Variants in MSRA observed in about 807,000 individuals in gnomAD.
MSRA encodes the protein methionine sulfoxide reductase A.
MSRA carries 54 observed loss-of-function variants against 31.3 expected under a neutral mutation model. The observed-to-expected ratio is 1.73, with a 90% CI of 1.39 to 2.17. MSRA has a LOEUF of 2.17. Ranked by LOEUF, MSRA falls within the 30% of genes most tolerant of loss-of-function variation. The pLI, the probability that MSRA is intolerant of heterozygous loss-of-function variation, is 0.00. For synonymous variants in MSRA, 169 were observed against 116.5 expected (o/e 1.45, Z -2.90); for missense variants, 507 against 300.9 (o/e 1.69, Z -5.07).
intron 1 of MSRA, among the ~76,000 whole-genome samples, chr8:10,185,298 A>C (rs867888603): frequency 8.5e-5 from 13 of 152,322 alleles, no homozygotes; most frequent in South Asian, 2.1e-4. Context: ...GAGTCCCAGG[A>C]ATCTCATTTA....
chr8:10,405,656 G>A (rs568658245), intron 5 of MSRA, among the ~76,000 whole-genome samples: 2 of 152,334 alleles, frequency 1.3e-5, no homozygotes, highest in South Asian at 4.1e-4. Context: ...GATGGGAGTG[G>A]GAGCAGAGAG....
intron 1 of MSRA, among the ~76,000 whole-genome samples, chr8:10,173,688 G>C (rs1210809867): frequency 2.0e-5 from 3 of 152,152 alleles, no homozygotes; most frequent in Non-Finnish European, 4.4e-5. Context: ...TCAAGATGTT[G>C]TCTTCCAAAT....
chr8:10,261,100 G>A (rs969939098), intron 3 of MSRA, among the ~76,000 whole-genome samples: 1 of 152,056 alleles, frequency 6.6e-6, no homozygotes, highest in Non-Finnish European at 1.5e-5. Context: ...ATTCTTGCTA[G>A]ATATATTTAG....
chr8:10,344,509 G>A (rs1485850129), intron 5 of MSRA, among the ~76,000 whole-genome samples: 1 of 135,274 alleles, frequency 7.4e-6, no homozygotes, highest in Non-Finnish European at 1.5e-5. Flanking sequence ...GGGAGGCGGA[G>A]ATTGCATCAA....
At chr8:10,245,262 A>G in intron 3 of MSRA, 39 bp downstream of exon 3, 2 of 1,597,058 alleles carry the variant, frequency 1.3e-6, no homozygotes, top group Non-Finnish European at 1.7e-6. Context: ...TAGGAGAAAC[A>G]AGGGAGGGCT....
At chr8:10,186,107 A>G (rs953092730) in intron 1 of MSRA, among the ~76,000 whole-genome samples, 9 of 152,150 alleles carry the variant, frequency 5.9e-5, no homozygotes, top group Admixed American at 5.9e-4. Context: ...CACAGTGGCA[A>G]GGTGAGCCAG....
At chr8:10,110,703 G>C (rs1055667060) in intron 1 of MSRA, among the ~76,000 whole-genome samples, 1 of 152,192 alleles carries the variant, frequency 6.6e-6, no homozygotes, top group African/African-American at 2.4e-5. Context: ...CTTTCTCCCA[G>C]GCTGGCTGAC....
At chr8:10,177,566 T>A (rs542954098) in intron 1 of MSRA, among the ~76,000 whole-genome samples, 6 of 152,360 alleles carry the variant, frequency 3.9e-5, no homozygotes, top group African/African-American at 1.4e-4. Context: ...TAGAAGTCAC[T>A]GTTTCATATG....
At chr8:10,250,412 T>C in intron 3 of MSRA, 3 of 702,290 alleles carry the variant, frequency 4.3e-6, no homozygotes, top group South Asian at 3.0e-5. Context: ...CTTTTCATAT[T>C]TTGCTTACAG....
At chr8:10,177,183 T>C (rs74682260) in intron 1 of MSRA, among the ~76,000 whole-genome samples, 1,936 of 152,340 alleles carry the variant, frequency 0.013, 39 homozygotes, top group African/African-American at 0.044. Flanking sequence ...GGTGAAATGT[T>C]CCAACCTTGA....
intron 1 of MSRA, chr8:10,095,946 G>C: frequency 1.5e-6 from 2 of 1,357,124 alleles, no homozygotes; most frequent in African/African-American, 1.5e-5. Flanking sequence ...TTTCTAATTA[G>C]AGGGAATATT....
chr8:10,285,318 A>G (rs1799875666), intron 3 of MSRA, among the ~76,000 whole-genome samples: 1 of 152,188 alleles, frequency 6.6e-6, no homozygotes, highest in South Asian at 2.1e-4. Context: ...TAAGCTTTCT[A>G]AAGCATTTCC....
chr8:10,173,865 C>T (rs554685140), intron 1 of MSRA, among the ~76,000 whole-genome samples: 10 of 152,306 alleles, frequency 6.6e-5, no homozygotes, highest in African/African-American at 2.4e-4. Context: ...CATTTGTCTG[C>T]TGCATAAAGA....
At chr8:10,233,303 C>T (rs1000504270) in intron 2 of MSRA, among the ~76,000 whole-genome samples, 4 of 152,008 alleles carry the variant, frequency 2.6e-5, no homozygotes, top group African/African-American at 7.3e-5. Flanking sequence ...CATGTGTGTG[C>T]AACTGTGAAA....
intron 1 of MSRA, among the ~76,000 whole-genome samples, chr8:10,194,151 C>G (rs1269247751): frequency 1.3e-5 from 2 of 152,140 alleles, no homozygotes; most frequent in African/African-American, 2.4e-5. Context: ...CTCACTCTCC[C>G]CCTCTCTCCT....
intron 1 of MSRA, among the ~76,000 whole-genome samples, chr8:10,136,777 T>C (rs566104054): frequency 6.6e-6 from 1 of 152,252 alleles, no homozygotes; most frequent in South Asian, 2.1e-4. Flanking sequence ...ACACACTTCA[T>C]TGCTGTTGGG....
intron 4 of MSRA, among the ~76,000 whole-genome samples, chr8:10,312,668 A>T (rs1331654973): frequency 6.6e-6 from 1 of 152,210 alleles, no homozygotes; most frequent in Non-Finnish European, 1.5e-5. Flanking sequence ...TAGCAAACTG[A>T]ATTTAATAGT....
chr8:10,340,314 A>T (rs1400119145), intron 5 of MSRA, among the ~76,000 whole-genome samples: 1 of 152,222 alleles, frequency 6.6e-6, no homozygotes, highest in African/African-American at 2.4e-5. Flanking sequence ...TCAAAAAAAA[A>T]ATGTATATCC....
intron 3 of MSRA, among the ~76,000 whole-genome samples, chr8:10,293,783 G>T (rs561723978): frequency 1.3e-5 from 2 of 151,692 alleles, no homozygotes; most frequent in Non-Finnish European, 2.9e-5. Flanking sequence ...GCCCTCTGGG[G>T]CTCCTGTGAG....
Sources: allele counts gnomAD v4.1 joint callset (sites outside exome capture counted in the v4.1 genomes callset), GRCh38; gene constraint gnomAD v4.1.1; transcripts MANE v1.5; gene names NCBI Gene and HGNC (gene_info 2026-07-23, HGNC 2026-07-21).